METAP1D: variants seen among roughly 807,000 people sequenced by gnomAD.
The protein encoded by METAP1D is methionine aminopeptidase 1D, mitochondrial.
In METAP1D, 31 loss-of-function variants were observed where a neutral mutation model predicts 40.5. That is an observed-to-expected ratio of 0.77 (90% CI 0.58 to 1.03). The LOEUF is 1.03. METAP1D is among the 50% of genes least tolerant of loss of function. The pLI, the probability that METAP1D is intolerant of heterozygous loss-of-function variation, is 0.00. For synonymous variants in METAP1D, 151 were observed against 146.4 expected (o/e 1.03, Z -0.22); for missense variants, 411 against 420.7 (o/e 0.98, Z 0.20).
In METAP1D at chr2:172,036,139, A is replaced by C. The variant is rs980842340; in HGVS notation, c.41-25359A>C. On this transcript the variant is annotated intron_variant, in intron 1 of 9. Transcript: ENST00000315796. ...AAGACCATCCTGGCTAACACGGTGA[A>C]ACCCCGTCTCTACTAAAAATACAAA... Among the ~76,000 whole-genome samples the C allele has an allele frequency of 2.0e-5, 3 of 151,456 alleles. No homozygotes were observed. The South Asian group carries it at 6.3e-4, about 32-fold the overall frequency.
At chr2:172,058,774 G>C (rs1690057897) in intron 1 of METAP1D, among the ~76,000 whole-genome samples, 1 of 152,186 alleles carries the variant, frequency 6.6e-6, no homozygotes, top group African/African-American at 2.4e-5. Context: ...CTATAAGTTA[G>C]ATTCAACAAT....
At chr2:172,057,478 T>C (rs1379252752) in intron 1 of METAP1D, among the ~76,000 whole-genome samples, 1 of 152,144 alleles carries the variant, frequency 6.6e-6, no homozygotes, top group Non-Finnish European at 1.5e-5. Context: ...GTCCAACTAA[T>C]AGTTCTGGCA....
intron 1 of METAP1D, among the ~76,000 whole-genome samples, chr2:172,010,980 C>G (rs1247490751): frequency 6.6e-6 from 1 of 151,872 alleles, no homozygotes; most frequent in Non-Finnish European, 1.5e-5. Flanking sequence ...CTCTTAAACT[C>G]CTGACCTCAA....
chr2:172,021,906 T>C (rs1326558597), intron 1 of METAP1D: 1 of 152,266 alleles, frequency 6.6e-6, no homozygotes, highest in Non-Finnish European at 1.5e-5. Flanking sequence ...GGCCCAGATG[T>C]TGTGTTAACA....
chr2:172,016,300 A>AAAAAATATATATATATATAT (rs1553490378), intron 1 of METAP1D, among the ~76,000 whole-genome samples: 3 of 40,060 alleles, frequency 7.5e-5, no homozygotes, highest in African/African-American at 8.6e-5. Flanking sequence ...AAAAAAAAAA[A>AAAAAATATATATATATATAT]ATATATATAT....
At chr2:172,002,046 GA>G (rs370838286) in intron 1 of METAP1D, among the ~76,000 whole-genome samples, 74 of 134,724 alleles carry the variant, frequency 5.5e-4, no homozygotes, top group Non-Finnish European at 5.3e-4. Context: ...GTAGTGAGCT[GA>G]AAAAAAAAAA....
At chr2:172,036,209 T>A (rs113498168) in intron 1 of METAP1D, among the ~76,000 whole-genome samples, 33 of 147,928 alleles carry the variant, frequency 2.2e-4, no homozygotes, top group Non-Finnish European at 1.5e-4. Context: ...CCCAGCTACT[T>A]GGGAGGCTGA....
chr2:172,072,869 T>C (rs1690456267), intron 6 of METAP1D, among the ~76,000 whole-genome samples: 2 of 152,140 alleles, frequency 1.3e-5, no homozygotes, highest in South Asian at 4.1e-4. Context: ...TTATAGGGTT[T>C]TTCATATTCT....
At chr2:172,024,898 T>TG (rs1689091918) in intron 1 of METAP1D, among the ~76,000 whole-genome samples, 1 of 152,196 alleles carries the variant, frequency 6.6e-6, no homozygotes, top group Non-Finnish European at 1.5e-5. Context: ...GCTCAGTTGA[T>TG]GCTTGAGCAG....
rs1018059394 is a variant in METAP1D, at chr2:172,081,508, C to G, written c.*1102C>G. The G allele has an allele frequency of 8.5e-5, 13 of 152,308 alleles. No homozygotes were observed. The highest frequency in any genetic ancestry group is 2.7e-4 in the African/African-American group (11 of 41,466). The allele number at this position is 152,308 out of a possible 1,614,324, so 9.4% of individuals were successfully genotyped here. A position where few individuals can be genotyped will look rare whatever the true frequency, so the allele number is the denominator to read the frequency against. On this transcript the variant is annotated 3_prime_UTR_variant, in exon 10 of 10. Coordinates refer to ENST00000315796, the MANE Select transcript of METAP1D (RefSeq NM_199227.3). Reference sequence around the variant, plus strand: ...CGCTTCAGGAACAGGAATCCAAGGGCCCACGCTCTGTCTGCCAAGGGCCAT... The same window carrying G: ...CGCTTCAGGAACAGGAATCCAAGGGGCCACGCTCTGTCTGCCAAGGGCCAT...
intron 2 of METAP1D, 158 bp downstream of exon 2, chr2:172,061,813 A>G: frequency 1.8e-6 from 1 of 551,342 alleles, no homozygotes; most frequent in Admixed American, 3.3e-5. Flanking sequence ...AAGTTTTAAT[A>G]TCCTGCAATT....
intron 5 of METAP1D, among the ~76,000 whole-genome samples, chr2:172,069,560 A>G (rs1690372589): frequency 6.6e-6 from 1 of 152,198 alleles, no homozygotes; most frequent in South Asian, 2.1e-4. Context: ...TTAACATTCA[A>G]ACTATTTCAA....
intron 1 of METAP1D, among the ~76,000 whole-genome samples, chr2:172,000,986 G>C (rs1688447435): frequency 6.6e-6 from 1 of 152,132 alleles, no homozygotes; most frequent in African/African-American, 2.4e-5. Context: ...CTTGGCAATA[G>C]AGCCAGACCC....
At chr2:172,008,474 C>A (rs1055401373) in intron 1 of METAP1D, among the ~76,000 whole-genome samples, 4 of 152,178 alleles carry the variant, frequency 2.6e-5, no homozygotes, top group Non-Finnish European at 5.9e-5. Flanking sequence ...TAGTCCCCCG[C>A]TTATCCAATG....
At chr2:172,015,401 C>T (rs1688833125) in intron 1 of METAP1D, among the ~76,000 whole-genome samples, 1 of 151,624 alleles carries the variant, frequency 6.6e-6, no homozygotes, top group Non-Finnish European at 1.5e-5. Flanking sequence ...AACAGTGAGA[C>T]TCTGTCTCAA....
chr2:172,029,412 A>G (rs1211996656), intron 1 of METAP1D, among the ~76,000 whole-genome samples: 1 of 152,168 alleles, frequency 6.6e-6, no homozygotes, highest in African/African-American at 2.4e-5. Context: ...GATAGAGCCA[A>G]ACCTTGTCTC....
At chr2:172,036,284 T>C (rs13015107) in intron 1 of METAP1D, among the ~76,000 whole-genome samples, 1 of 143,046 alleles carries the variant, frequency 7.0e-6, no homozygotes, top group Admixed American at 7.1e-5. Flanking sequence ...GCCATTGCAC[T>C]CCAGCCTGGG....
chr2:172,043,601 A>G lies in METAP1D; in HGVS notation c.41-17897A>G, dbSNP rs148893389. ...TTTAATGTTTTACAAAAATTATTTT[A>G]TTTATATTTAATAGCATTATATTCC... On this transcript the variant is annotated intron_variant, in intron 1 of 9. Coordinates refer to ENST00000315796, the MANE Select transcript of METAP1D (RefSeq NM_199227.3). Among the ~76,000 whole-genome samples the G allele has an allele frequency of 1.3e-3, 179 of 135,088 alleles. 40 individuals carry two copies. The highest frequency in any genetic ancestry group is 2.4e-3 in the East Asian group (12 of 5,068). 88.6% of individuals were successfully genotyped at this position (135,088 alleles called of 152,430 possible). A position where few individuals can be genotyped will look rare whatever the true frequency, so the allele number is the denominator to read the frequency against.
At chr2:172,000,776 T>C (rs1688443096) in intron 1 of METAP1D, among the ~76,000 whole-genome samples, 1 of 152,200 alleles carries the variant, frequency 6.6e-6, no homozygotes, top group Non-Finnish European at 1.5e-5. Flanking sequence ...CGATACTGTG[T>C]TAAGCGCCTT....
Sources: allele counts gnomAD v4.1 joint callset (sites outside exome capture counted in the v4.1 genomes callset), GRCh38; gene constraint gnomAD v4.1.1; transcripts MANE v1.5; gene names NCBI Gene and HGNC (gene_info 2026-07-23, HGNC 2026-07-21).